The following BRD4 variants were observed in gnomAD, a reference collection of about 807,000 sequenced individuals.
BRD4 encodes bromodomain containing 4.
A neutral mutation model predicts 142.1 loss-of-function variants in BRD4; 16 were observed. The observed-to-expected ratio is 0.11, with a 90% CI of 0.08 to 0.17. The LOEUF is 0.17. Among genes scored for constraint, BRD4 ranks in the 10% least tolerant of loss-of-function variants. The probability of loss-of-function intolerance (pLI) is 1.00; values close to 1 mark genes in which losing one functional copy is unlikely to be tolerated. For synonymous variants in BRD4, 833 were observed against 707.5 expected, an observed-to-expected ratio of 1.18 and a Z score of -2.82; for missense variants, 1,424 against 1,810.9, an observed-to-expected ratio of 0.79 and a Z score of 3.88.
chr19:15,242,405 G>A (rs1336883063), intron 14 of BRD4, among the ~76,000 whole-genome samples: 3 of 152,210 alleles, frequency 2.0e-5, no homozygotes, highest in Non-Finnish European at 2.9e-5. Context: ...CTGGGCTGGA[G>A]GCTGGTAACA....
At chr19:15,249,561 C>T (rs1024482148) in intron 11 of BRD4, among the ~76,000 whole-genome samples, 1 of 152,182 alleles carries the variant, frequency 6.6e-6, no homozygotes, top group African/African-American at 2.4e-5. Context: ...AGAGAGTGGC[C>T]CTGGTTCCCA....
intron 1 of BRD4, among the ~76,000 whole-genome samples, chr19:15,315,507 G>C (rs1212016682): frequency 1.3e-5 from 2 of 151,912 alleles, no homozygotes; most frequent in African/African-American, 4.8e-5. Flanking sequence ...TCCTTAAGGG[G>C]ATTGGGGGGG....
chr19:15,286,608 T>C (rs1228139029), intron 1 of BRD4, among the ~76,000 whole-genome samples: 1 of 152,192 alleles, frequency 6.6e-6, no homozygotes, highest in East Asian at 1.9e-4. Flanking sequence ...ACTAAATCTG[T>C]GAAATCTAAG....
At chr19:15,265,758 C>T in intron 4 of BRD4, 115 bp from the exon 5 acceptor site, 1 of 1,147,944 alleles carries the variant, frequency 8.7e-7, no homozygotes, top group Non-Finnish European at 1.3e-6. Context: ...TTGCATTTGC[C>T]TGAGAGACGA....
At chr19:15,316,916 G>A (rs1314098355) in intron 1 of BRD4, among the ~76,000 whole-genome samples, 1 of 152,168 alleles carries the variant, frequency 6.6e-6, no homozygotes, top group Non-Finnish European at 1.5e-5. Context: ...CTCAATGCTA[G>A]CCCCCTTCCT....
rs1338675080 is a variant in BRD4, at chr19:15,329,210, A to C, written c.-35+3080T>G. On this transcript the variant is annotated intron_variant, in intron 1 of 19. Coordinates refer to ENST00000679869, the MANE Select transcript of BRD4 (RefSeq NM_001379291.1). ...AAATGTACACTCTTTTCTAGACACC[A>C]AAAATCACAAAGATTTATGAAACAT... Among the ~76,000 whole-genome samples the C allele has an allele frequency of 2.0e-5, 3 of 152,318 alleles. No homozygotes were observed. The South Asian group carries it at 6.2e-4, about 32-fold the overall frequency.
At position 15,266,834 on chromosome 19, in the gene BRD4, T is replaced by C. The variant is rs118045728; in HGVS notation, c.559+582A>G. Among the ~76,000 whole-genome samples the C allele has an allele frequency of 6.1e-3, 922 of 152,288 alleles. 30 individuals carry two copies. The highest frequency in any genetic ancestry group is 0.047 in the Admixed American group (722 of 15,302). ...AGGACAAGATGTAGCCAGTAGCTGC[T>C]GGAGAGTTTCCTAGACAGAATCATT... On this transcript the variant is annotated intron_variant, in intron 4 of 19. Coordinates refer to ENST00000679869, the MANE Select transcript of BRD4 (RefSeq NM_001379291.1).
At chr19:15,265,727 C>G in intron 4 of BRD4, 84 bp from the exon 5 acceptor site, 1 of 1,398,276 alleles carries the variant, frequency 7.2e-7, no homozygotes, top group Non-Finnish European at 1.0e-6. Context: ...ACACCACACA[C>G]AGTGAACGCA....
intron 1 of BRD4, among the ~76,000 whole-genome samples, chr19:15,293,010 C>A (rs1010556279): frequency 4.0e-5 from 6 of 151,886 alleles, no homozygotes; most frequent in African/African-American, 1.5e-4. Flanking sequence ...CCTGCCAGAC[C>A]ACACCAAGTG....
intron 1 of BRD4, among the ~76,000 whole-genome samples, chr19:15,315,112 G>T (rs2048005312): frequency 6.6e-6 from 1 of 151,854 alleles, no homozygotes; most frequent in South Asian, 2.1e-4. Context: ...CACTGTGCGT[G>T]GAGTTTAACC....
At position 15,235,664 on chromosome 19, in the gene BRD4, A is replaced by C. The variant is rs942714864; in HGVS notation, c.*2713T>G. Reference sequence around the variant, plus strand: ...TAATACAAGTCTCAGATTCACTGACATAATTATTGGCCAAGCGATCCGTGC... The same window carrying C: ...TAATACAAGTCTCAGATTCACTGACCTAATTATTGGCCAAGCGATCCGTGC... On this transcript the variant is annotated 3_prime_UTR_variant, in exon 20 of 20. Coordinates refer to ENST00000679869, the MANE Select transcript of BRD4 (RefSeq NM_001379291.1). The C allele has an allele frequency of 6.6e-6, 1 of 152,138 alleles. No homozygotes were observed. Among genetic ancestry groups the C allele is most frequent in the Admixed American group, 6.6e-5 (1 of 15,260 alleles). The allele number at this position is 152,138 out of a possible 1,614,324, so 9.4% of individuals were successfully genotyped here.
intron 1 of BRD4, among the ~76,000 whole-genome samples, chr19:15,315,707 C>G (rs368362348): frequency 6.6e-6 from 1 of 151,776 alleles, no homozygotes; most frequent in Non-Finnish European, 1.5e-5. Flanking sequence ...TACAAAAAAA[C>G]CAGCCGGGCG....
In BRD4 at chr19:15,252,870, C is replaced by T. The variant is rs889460748; in HGVS notation, c.2158+1282G>A. The T allele has an allele frequency of 1.2e-4, 22 of 177,144 alleles. No homozygotes were observed. The Admixed American group carries it at 1.3e-3, about 10-fold the overall frequency. 11.0% of individuals were successfully genotyped at this position (177,144 alleles called of 1,614,324 possible). On this transcript the variant is annotated intron_variant, in intron 11 of 19. Transcript: ENST00000679869. ...AGGGAAGAGGAATACTGACAAGGCCCGAGGTGCCACCTACCCCCACCCCAT... is the reference window on the plus strand; with the variant it reads ...AGGGAAGAGGAATACTGACAAGGCCTGAGGTGCCACCTACCCCCACCCCAT...
At chr19:15,312,563 C>G (rs1258006273) in intron 1 of BRD4, among the ~76,000 whole-genome samples, 1 of 151,786 alleles carries the variant, frequency 6.6e-6, no homozygotes, top group Non-Finnish European at 1.5e-5. Flanking sequence ...ACGCGGGAGG[C>G]GGAAGTTGCA....
intron 1 of BRD4, among the ~76,000 whole-genome samples, chr19:15,277,897 G>A (rs2047664806): frequency 1.3e-5 from 2 of 151,372 alleles, no homozygotes; most frequent in African/African-American, 4.8e-5. Context: ...ACGAGGTCAG[G>A]AGACCGAGAC....
intron 1 of BRD4, among the ~76,000 whole-genome samples, chr19:15,282,542 T>A (rs779259910): frequency 2.6e-5 from 4 of 152,216 alleles, no homozygotes; most frequent in African/African-American, 7.2e-5. Context: ...TTGGTGTCTG[T>A]CCACTTCTAC....
At chr19:15,332,219 C>G (rs2048167965) in intron 1 of BRD4, 71 bp downstream of exon 1, 1 of 147,574 alleles carries the variant, frequency 6.8e-6, no homozygotes, top group Non-Finnish European at 1.5e-5. Context: ...ATGCAGGTTA[C>G]GCGGACCGCG....
chr19:15,264,145 G>T, intron 6 of BRD4: 1 of 442,578 alleles, frequency 2.3e-6, no homozygotes, highest in Non-Finnish European at 4.0e-6. Context: ...CAAGGCCAGA[G>T]GGCTTGTCTT....
chr19:15,236,077 C>T lies in BRD4; in HGVS notation c.*2300G>A, dbSNP rs750770883. Reference sequence around the variant, plus strand: ...GGACATCGAAGAAGTGGGGGGACCTCTGGCTGGATGCCTGAACCACACCCT... The same window carrying T: ...GGACATCGAAGAAGTGGGGGGACCTTTGGCTGGATGCCTGAACCACACCCT... On this transcript the variant is annotated 3_prime_UTR_variant, in exon 20 of 20. Transcript: ENST00000679869. The T allele has an allele frequency of 1.3e-5, 2 of 152,076 alleles. No individual in the cohort carries two copies. The highest frequency in any genetic ancestry group is 2.9e-5 in the Non-Finnish European group (2 of 68,014). 9.4% of individuals were successfully genotyped at this position (152,076 alleles called of 1,614,324 possible). A position where few individuals can be genotyped will look rare whatever the true frequency, so the allele number is the denominator to read the frequency against.
Sources: allele counts gnomAD v4.1 joint callset (sites outside exome capture counted in the v4.1 genomes callset), GRCh38; gene constraint gnomAD v4.1.1; transcripts MANE v1.5; gene names NCBI Gene and HGNC (gene_info 2026-07-23, HGNC 2026-07-21).